Variants in CDK19 observed in about 807,000 individuals in gnomAD.
The protein encoded by CDK19 is cyclin dependent kinase 19, also known as cyclin-dependent kinase 19.
CDK19 carries 20 observed loss-of-function variants against 68.3 expected under a neutral mutation model. That is an observed-to-expected ratio of 0.29 (90% CI 0.21 to 0.43). CDK19 has a LOEUF of 0.43. Among genes scored for constraint, CDK19 ranks in the 20% least tolerant of loss-of-function variants. The pLI, the probability that CDK19 is intolerant of heterozygous loss-of-function variation, is 1.00. For missense variants in CDK19, 339 were observed against 623.5 expected (o/e 0.54, Z 4.86); for synonymous variants, 221 against 222.8 (o/e 0.99, Z 0.07).
intron 5 of CDK19, 73 bp downstream of exon 5, chr6:110,638,576 G>A (rs1472331752): frequency 1.2e-5 from 9 of 764,306 alleles, no homozygotes; most frequent in African/African-American, 3.5e-5. Flanking sequence ...CTAAATAAGG[G>A]CATTAAAAAG....
chr6:110,803,079 A>G (rs1202992313), intron 1 of CDK19, among the ~76,000 whole-genome samples: 1 of 151,662 alleles, frequency 6.6e-6, no homozygotes, highest in African/African-American at 2.4e-5. Flanking sequence ...GAAGGCTTTG[A>G]CTTTTTTTTT....
intron 2 of CDK19, among the ~76,000 whole-genome samples, chr6:110,671,754 A>C (rs1771028921): frequency 6.6e-6 from 1 of 152,164 alleles, no homozygotes; most frequent in Non-Finnish European, 1.5e-5. Context: ...GAGAAAAATA[A>C]ACTGCTTACC....
intron 1 of CDK19, among the ~76,000 whole-genome samples, chr6:110,784,158 CA>C (rs1170140844): frequency 3.0e-3 from 187 of 61,472 alleles, no homozygotes; most frequent in Non-Finnish European, 3.5e-3. Context: ...GACTTCGTCT[CA>C]AAAAAAAAAA....
intron 1 of CDK19, among the ~76,000 whole-genome samples, chr6:110,794,267 G>A (rs556742360): frequency 8.6e-5 from 13 of 151,852 alleles, no homozygotes; most frequent in East Asian, 3.9e-4. Context: ...GGCTGGTCTC[G>A]AACTCCTGAC....
intron 2 of CDK19, among the ~76,000 whole-genome samples, chr6:110,731,491 G>T (rs1776755841): frequency 6.6e-6 from 1 of 152,198 alleles, no homozygotes; most frequent in South Asian, 2.1e-4. Flanking sequence ...TTCTTTGTGG[G>T]ATGATGAAAA....
intron 2 of CDK19, among the ~76,000 whole-genome samples, chr6:110,732,974 G>C (rs1035046253): frequency 3.3e-5 from 5 of 152,018 alleles, no homozygotes; most frequent in African/African-American, 1.2e-4. Flanking sequence ...GGCTGAGAAA[G>C]GAGAATCGCT....
intron 1 of CDK19, among the ~76,000 whole-genome samples, chr6:110,797,509 A>C (rs1322476697): frequency 6.6e-6 from 1 of 152,182 alleles, no homozygotes; most frequent in African/African-American, 2.4e-5. Flanking sequence ...AAGAAAGAAA[A>C]AAAGAAAGAA....
chr6:110,742,963 C>G (rs1490340327), intron 2 of CDK19, among the ~76,000 whole-genome samples: 1 of 152,152 alleles, frequency 6.6e-6, no homozygotes, highest in African/African-American at 2.4e-5. Flanking sequence ...AAACCCCTAA[C>G]AAAAACTTGC....
chr6:110,733,157 C>T (rs9487502), intron 2 of CDK19, among the ~76,000 whole-genome samples: 2,960 of 152,260 alleles, frequency 0.019, 94 homozygotes, highest in African/African-American at 0.068. Flanking sequence ...TATCACAATA[C>T]GTATTTCTGT....
At chr6:110,640,749 G>C (rs1780093839) in intron 4 of CDK19, among the ~76,000 whole-genome samples, 1 of 152,116 alleles carries the variant, frequency 6.6e-6, no homozygotes, top group South Asian at 2.1e-4. Context: ...CCAGGAGTTT[G>C]AGACCAGCCT....
chr6:110,671,022 A>C (rs748517670), intron 2 of CDK19, among the ~76,000 whole-genome samples: 2 of 152,310 alleles, frequency 1.3e-5, no homozygotes, highest in Non-Finnish European at 2.9e-5. Flanking sequence ...CAAAACAAGG[A>C]AAGATATTTA....
rs371613420 is a variant in CDK19 at position 110,734,879 on chromosome 6, A to T, written c.204+11247T>A. ...GCACAATGCCTAGATTATAATAGATACTCAAATATTAAATGCAAAATTAAA... is the reference window on the plus strand; with the variant it reads ...GCACAATGCCTAGATTATAATAGATTCTCAAATATTAAATGCAAAATTAAA... On this transcript the variant is annotated intron_variant, in intron 2 of 12. Transcript: ENST00000368911. Among the ~76,000 whole-genome samples, 3 of 152,272 alleles carry T rather than the reference A, an allele frequency of 2.0e-5. No individual in the cohort carries two copies. The East Asian group carries it at 5.8e-4, about 29-fold the overall frequency.
chr6:110,686,910 T>C (rs1772540451), intron 2 of CDK19, among the ~76,000 whole-genome samples: 1 of 152,136 alleles, frequency 6.6e-6, no homozygotes, highest in Admixed American at 6.6e-5. Context: ...CTAAAATACA[T>C]AGTTTCGGCC....
intron 1 of CDK19, among the ~76,000 whole-genome samples, chr6:110,810,852 AATG>A (rs1344663118): frequency 6.6e-6 from 1 of 151,892 alleles, no homozygotes; most frequent in African/African-American, 2.4e-5. Flanking sequence ...CCACTTTGTA[AATG>A]TCCTGTATAT....
chr6:110,786,923 G>A (rs1208902307), intron 1 of CDK19, among the ~76,000 whole-genome samples: 5 of 152,014 alleles, frequency 3.3e-5, no homozygotes, highest in Non-Finnish European at 7.3e-5. Context: ...TATAGATAAG[G>A]GCAGTCCTAA....
intron 1 of CDK19, among the ~76,000 whole-genome samples, chr6:110,812,385 G>C (rs1783174217): frequency 6.6e-6 from 1 of 152,186 alleles, no homozygotes; most frequent in Admixed American, 6.6e-5. Flanking sequence ...GCCTCCCAAA[G>C]TGCTGGGATT....
intron 1 of CDK19, among the ~76,000 whole-genome samples, chr6:110,807,181 T>G (rs1047013023): frequency 4.7e-5 from 7 of 149,884 alleles, no homozygotes; most frequent in African/African-American, 1.5e-4. Context: ...GGCCCACATC[T>G]GTAGTCCCAG....
chr6:110,700,419 T>G (rs1582894280), intron 2 of CDK19: 1 of 152,062 alleles, frequency 6.6e-6, no homozygotes, highest in Admixed American at 6.6e-5. Context: ...TGCTAGCTTA[T>G]AGAGCTTATA....
At chr6:110,651,643 G>C (rs1455205615) in intron 4 of CDK19, among the ~76,000 whole-genome samples, 3 of 152,150 alleles carry the variant, frequency 2.0e-5, no homozygotes, top group African/African-American at 7.2e-5. Context: ...TCATAGGTGA[G>C]GTTGACCTGA....
Sources: gnomAD v4.1 joint callset for allele counts (sites outside exome capture counted in the v4.1 genomes callset) on GRCh38, gnomAD v4.1.1 for gene constraint, MANE v1.5 for transcripts, NCBI Gene and HGNC (gene_info 2026-07-23, HGNC 2026-07-21) for gene names.